Variants in PARD3B observed in about 807,000 individuals in gnomAD.
The protein encoded by PARD3B is partitioning defective 3 homolog B.
Under a neutral mutation model 130.2 loss-of-function variants are expected in PARD3B, and 103 were observed. The observed-to-expected ratio is 0.79, with a 90% confidence interval of 0.67 to 0.93. PARD3B has a LOEUF of 0.93. Ranked by LOEUF, PARD3B falls within the 40% of genes least tolerant of loss-of-function variation. The pLI is 0.00. For missense variants in PARD3B, 1,609 were observed against 1,499.2 expected (o/e 1.07, Z -1.21); for synonymous variants, 583 against 553.2 (o/e 1.05, Z -0.76).
Position 205,548,724 on chromosome 2 carries a change from G to A in PARD3B, c.3181-4600G>A, listed in dbSNP as rs61444630. 5.3e-5 allele frequency among the ~76,000 whole-genome samples: 8 copies of A among 152,122 alleles called. No homozygotes were observed. The East Asian group carries it at 1.5e-3, about 29-fold the overall frequency. Reference sequence around the variant, plus strand: ...CCTAGGGTTTGATGGTGATTTTTTTGATATAAGACCAAAGGCATGATCTGT... The same window carrying A: ...CCTAGGGTTTGATGGTGATTTTTTTAATATAAGACCAAAGGCATGATCTGT... On this transcript the variant is annotated intron_variant, in intron 21 of 22. Transcript: ENST00000406610.
chr2:205,421,266 T>C lies in PARD3B; in HGVS notation c.2742-19104T>C, dbSNP rs2046963286. Among the ~76,000 whole-genome samples, 1 of 152,222 alleles carries C rather than the reference T, an allele frequency of 6.6e-6. No individual in the cohort carries two copies. Among genetic ancestry groups the C allele is most frequent in the African/African-American group, 2.4e-5 (1 of 41,462 alleles). ...TTTAGACTCACTATTCTCCTCTAGG[T>C]GGCCATTTCTTGCACTACAGATGTC... On this transcript the variant is annotated intron_variant, in intron 19 of 22. Transcript: ENST00000406610. This position sits in a 1 kb window ranked among gnomAD's most constrained non-coding sequence, Gnocchi z 5.1.
chr2:204,977,047 A>G (rs1008362225), intron 3 of PARD3B, among the ~76,000 whole-genome samples: 5 of 152,178 alleles, frequency 3.3e-5, no homozygotes, highest in African/African-American at 1.2e-4. Flanking sequence ...CCATAAAATT[A>G]AATTTTGGTT....
chr2:205,276,202 A>G lies in PARD3B; in HGVS notation c.2186-24328A>G, dbSNP rs1437693439. Among the ~76,000 whole-genome samples, 1 of 152,210 alleles carries G rather than the reference A, an allele frequency of 6.6e-6. No individual in the cohort carries two copies. Among genetic ancestry groups the G allele is most frequent in the Non-Finnish European group, 1.5e-5 (1 of 68,040 alleles). ...TATTTGAAAGAAACAGGGGAAGTAG[A>G]AATGTGGATGGGAAGAGCATTTAGC... On this transcript the variant is annotated intron_variant, in intron 16 of 22. Transcript: ENST00000406610. The surrounding 1 kb of genome is among the most constrained non-coding windows in gnomAD (Gnocchi z 5.0).
Position 205,592,252 on chromosome 2 carries a change from G to A in PARD3B, c.3261-23204G>A, listed in dbSNP as rs1401199335. Among the ~76,000 whole-genome samples the A allele has an allele frequency of 1.3e-5, 2 of 152,194 alleles. No individual in the cohort carries two copies. Reference sequence around the variant, plus strand: ...GTGCTCTTGTTTACTATAGTGGGCTGAGCGTAACATCAAGGTTGACTTGTT... The same window carrying A: ...GTGCTCTTGTTTACTATAGTGGGCTAAGCGTAACATCAAGGTTGACTTGTT... On this transcript the variant is annotated intron_variant, in intron 22 of 22. Transcript: ENST00000406610. This position sits in a 1 kb window ranked among gnomAD's most constrained non-coding sequence, Gnocchi z 4.5.
At chr2:205,381,703 G>A (rs2045455886) in intron 18 of PARD3B, among the ~76,000 whole-genome samples, 1 of 151,932 alleles carries the variant, frequency 6.6e-6, no homozygotes, top group African/African-American at 2.4e-5. Flanking sequence ...ACGGAGAGTG[G>A]TATGTATTGG....
At chr2:205,409,792 G>A (rs902650995) in intron 19 of PARD3B, among the ~76,000 whole-genome samples, 1 of 152,036 alleles carries the variant, frequency 6.6e-6, no homozygotes, top group East Asian at 1.9e-4. Context: ...TTACTTTATC[G>A]TATGTAGTTG....
chr2:205,051,535 G>C (rs1699191410), intron 4 of PARD3B, among the ~76,000 whole-genome samples: 1 of 152,192 alleles, frequency 6.6e-6, no homozygotes, highest in Non-Finnish European at 1.5e-5. Context: ...ATTTGATTAT[G>C]TTGAAATACT....
rs1490197405 is a variant in PARD3B at position 205,562,076 on chromosome 2, A to T, written c.3260+8673A>T. On this transcript the variant is annotated intron_variant, in intron 22 of 22. Transcript: ENST00000406610. The surrounding 1 kb of genome is among the most constrained non-coding windows in gnomAD (Gnocchi z 5.4). The stretch of plus-strand genomic sequence containing the variant: ...TCCATTGTCAACTCAAACTTCCTGA[A>T]AATGCAGAAAGCCCCAGCATGTAAT... Among the ~76,000 whole-genome samples, 1 of 152,218 alleles carries T rather than the reference A, an allele frequency of 6.6e-6. No homozygotes were observed. Among genetic ancestry groups the T allele is most frequent in the Non-Finnish European group, 1.5e-5 (1 of 68,042 alleles).
intron 1 of PARD3B, among the ~76,000 whole-genome samples, chr2:204,639,892 C>T (rs146242503): frequency 0.019 from 2,852 of 152,258 alleles, 43 homozygotes; most frequent in Middle Eastern, 0.068. Context: ...CATAGGAACA[C>T]AGGCTATCTG....
At chr2:205,471,853 T>C (rs2048848425) in intron 20 of PARD3B, among the ~76,000 whole-genome samples, 1 of 152,112 alleles carries the variant, frequency 6.6e-6, no homozygotes, top group African/African-American at 2.4e-5. Context: ...CTAGGGATGG[T>C]TTTCAAATGG....
rs752890912 is a variant in PARD3B, at chr2:204,943,186, A to G, written c.223-21966A>G. ...TGTGTGTATGTGTATGCATATATAT[A>G]TATGTGTGTGTATATATATATAATA... On this transcript the variant is annotated intron_variant, in intron 2 of 22. Coordinates refer to ENST00000406610, the MANE Select transcript of PARD3B (RefSeq NM_001302769.2). This position sits in a 1 kb window ranked among gnomAD's most constrained non-coding sequence, Gnocchi z 4.2. Among the ~76,000 whole-genome samples the G allele has an allele frequency of 2.6e-5, 4 of 151,954 alleles. No individual in the cohort carries two copies. The highest frequency in any genetic ancestry group is 5.9e-5 in the Non-Finnish European group (4 of 67,974).
intron 2 of PARD3B, among the ~76,000 whole-genome samples, chr2:204,915,130 A>T (rs2125735110): frequency 6.6e-6 from 1 of 152,268 alleles, no homozygotes; most frequent in African/African-American, 2.4e-5. Context: ...CACTTGTCAC[A>T]TCTGGAAAAC....
chr2:205,330,056 G>A (rs754757754), intron 18 of PARD3B, among the ~76,000 whole-genome samples: 4 of 148,098 alleles, frequency 2.7e-5, no homozygotes, highest in South Asian at 2.2e-4. Flanking sequence ...AATCATTAAC[G>A]TAGGCTGGGC....
At chr2:204,995,219 T>C (rs1299856159) in intron 3 of PARD3B, among the ~76,000 whole-genome samples, 1 of 152,146 alleles carries the variant, frequency 6.6e-6, no homozygotes, top group South Asian at 2.1e-4. Context: ...TGGCTGATAC[T>C]GGTTGTTCCT....
At chr2:204,829,461 C>G (rs1478671394) in intron 2 of PARD3B, among the ~76,000 whole-genome samples, 1 of 152,128 alleles carries the variant, frequency 6.6e-6, no homozygotes, top group Non-Finnish European at 1.5e-5. Context: ...GGAGAGAGGG[C>G]ATTTTCTTTT....
At chr2:205,480,971 G>T (rs2049213278) in intron 20 of PARD3B, among the ~76,000 whole-genome samples, 1 of 152,132 alleles carries the variant, frequency 6.6e-6, no homozygotes, top group Non-Finnish European at 1.5e-5. Flanking sequence ...GACTCCTGGG[G>T]CTGTGACAAG....
At chr2:205,396,143 G>T (rs1231165958) in intron 18 of PARD3B, among the ~76,000 whole-genome samples, 1 of 152,120 alleles carries the variant, frequency 6.6e-6, no homozygotes, top group Non-Finnish European at 1.5e-5. Context: ...CACTTGTCTG[G>T]AACTTCTCAC....
intron 19 of PARD3B, among the ~76,000 whole-genome samples, chr2:205,420,864 C>G (rs1403669597): frequency 2.6e-5 from 4 of 152,148 alleles, no homozygotes; most frequent in Non-Finnish European, 4.4e-5. Flanking sequence ...GCAAAAGAGG[C>G]TGGGTGCTGT....
At chr2:204,631,936 G>A (rs375138701) in intron 1 of PARD3B, among the ~76,000 whole-genome samples, 30 of 152,210 alleles carry the variant, frequency 2.0e-4, no homozygotes, top group Admixed American at 3.9e-4. Context: ...TTTCATTTTG[G>A]AGATGAAATG....
Sources: allele counts gnomAD v4.1 joint callset (sites outside exome capture counted in the v4.1 genomes callset), GRCh38; gene constraint gnomAD v4.1.1; non-coding constraint Gnocchi (gnomAD v3.1); transcripts MANE v1.5; gene names NCBI Gene and HGNC (gene_info 2026-07-23, HGNC 2026-07-21).